LAMC2: variants seen among roughly 807,000 people sequenced by gnomAD.
LAMC2 encodes the protein laminin subunit gamma 2, also known as laminin subunit gamma-2.
In LAMC2, 97 loss-of-function variants were observed where a neutral mutation model predicts 140.2. The ratio of observed to expected loss-of-function variants is 0.69; its 90% CI spans 0.59 to 0.82. The LOEUF (loss-of-function observed/expected upper bound fraction) is 0.82. Ranked by LOEUF, LAMC2 falls within the 40% of genes least tolerant of loss-of-function variation. The probability of loss-of-function intolerance (pLI) is 0.00; values close to 1 mark genes in which losing one functional copy is unlikely to be tolerated. For missense variants in LAMC2, 1,402 were observed against 1,476.1 expected, an observed-to-expected ratio of 0.95 and a Z score of 0.82; for synonymous variants, 513 against 540.2, an observed-to-expected ratio of 0.95 and a Z score of 0.70.
At chr1:183,232,414 A>G in intron 13 of LAMC2, 71 bp downstream of exon 13, 5 of 1,543,458 alleles carry the variant, frequency 3.2e-6, no homozygotes, top group Non-Finnish European at 4.5e-6. Context: ...ACGTTAGGTC[A>G]TAGAATCTTC....
intron 1 of LAMC2, among the ~76,000 whole-genome samples, chr1:183,195,062 T>TA (rs1343891593): frequency 2.0e-5 from 3 of 152,178 alleles, no homozygotes; most frequent in South Asian, 2.1e-4. Flanking sequence ...CCTGTGAGCT[T>TA]ACTCAGACTG....
intron 6 of LAMC2, 122 bp downstream of exon 6, chr1:183,222,333 G>C: frequency 2.0e-6 from 2 of 1,024,556 alleles, no homozygotes; most frequent in Middle Eastern, 2.5e-4. Context: ...CAGCATCTCC[G>C]GGTAGTGCAA....
chr1:183,203,632 C>G (rs1446614046), intron 1 of LAMC2, among the ~76,000 whole-genome samples: 1 of 151,632 alleles, frequency 6.6e-6, no homozygotes, highest in Non-Finnish European at 1.5e-5. Context: ...ACAAGCTCTC[C>G]CATCATTTTC....
chr1:183,200,128 G>A (rs1489096458), intron 1 of LAMC2, among the ~76,000 whole-genome samples: 1 of 151,948 alleles, frequency 6.6e-6, no homozygotes, highest in Non-Finnish European at 1.5e-5. Context: ...CGGTGGCTCA[G>A]GCCTGTAATC....
rs182106982 is a variant in LAMC2 at position 183,200,858 on chromosome 1, G to A, written c.80-7023G>A. 6.6e-5 allele frequency among the ~76,000 whole-genome samples: 10 copies of A among 152,258 alleles called. No individual in the cohort carries two copies. The East Asian group carries it at 1.9e-3, about 29-fold the overall frequency. On this transcript the variant is annotated intron_variant, in intron 1 of 22. Coordinates refer to ENST00000264144, the MANE Select transcript of LAMC2 (RefSeq NM_005562.3). ...GTCTTTCCTAAGAAGCACCTTGAGG[G>A]TCAGCAACTGTGTGCTATTATAGTT...
chr1:183,208,933 C>G (rs921437869), intron 2 of LAMC2, among the ~76,000 whole-genome samples: 22 of 151,374 alleles, frequency 1.5e-4, no homozygotes, highest in African/African-American at 4.4e-4. Context: ...CTTGCCTCAG[C>G]CTCCCAAAGT....
chr1:183,205,795 G>T (rs1658866607), intron 1 of LAMC2, among the ~76,000 whole-genome samples: 1 of 141,062 alleles, frequency 7.1e-6, no homozygotes. Flanking sequence ...AATAAAAAGA[G>T]AGTAGGGGTG....
At chr1:183,251,979 C>G in the LAMC2 span, 1 of 154,954 alleles carries the variant, frequency 6.5e-6, no homozygotes, top group Non-Finnish European at 1.4e-5. Context: ...GTGGAGGTTG[C>G]TTGGCCTTCT....
intron 1 of LAMC2, among the ~76,000 whole-genome samples, chr1:183,198,999 T>C (rs1029489925): frequency 6.6e-6 from 1 of 151,976 alleles, no homozygotes; most frequent in African/African-American, 2.4e-5. Flanking sequence ...GTCATATATG[T>C]AGACAATGGA....
At chr1:183,194,250 GAA>G (rs112301239) in intron 1 of LAMC2, among the ~76,000 whole-genome samples, 16,358 of 132,634 alleles carry the variant, frequency 0.12, 1,546 homozygotes, top group African/African-American at 0.27. Flanking sequence ...TCTTTTTTCT[GAA>G]AAAAAAAAAA....
In LAMC2 at chr1:183,238,308, A is replaced by T; in HGVS notation, c.2756A>T (p.Lys919Ile). 1 of 1,613,098 alleles carries T rather than the reference A, an allele frequency of 6.2e-7. No individual in the cohort carries two copies. The highest frequency in any genetic ancestry group is 8.5e-7 in the Non-Finnish European group (1 of 1,179,106). ...LLQNGKSGRE[K>I]SDQLLSRANL... is the part of the protein sequence containing the mutation. The stretch of plus-strand genomic sequence containing the variant: ...CTTGTTCTATCTGCCTTTTTACAGA[A>T]ATCAGATCAGCTGCTTTCCCGTGCC... The change falls in exon 19 of 23, where the codon AAA (lysine) becomes ATA (isoleucine). Residue 919 changes from lysine to isoleucine, a missense_variant and splice_region_variant. Physicochemically the swap from Lys to Ile is moderately radical, Grantham distance 102. Transcript: ENST00000264144.
Position 183,232,489 on chromosome 1 carries a change from C to T in LAMC2, c.2014+146C>T, listed in dbSNP as rs568492506. 57 of 1,114,410 alleles carry T rather than the reference C, an allele frequency of 5.1e-5. No homozygotes were observed. The East Asian group carries it at 1.2e-3, about 23-fold the overall frequency. The allele number at this position is 1,114,410 out of a possible 1,614,324, so 69.0% of individuals were successfully genotyped here. A position where few individuals can be genotyped will look rare whatever the true frequency, so the allele number is the denominator to read the frequency against. The stretch of plus-strand genomic sequence containing the variant: ...GCAGAAGTGGAAGGACTGTCTGTGG[C>T]ATTCCCCCTGGGATCTGAATGATGG... On this transcript the variant is annotated intron_variant, in intron 13 of 22. Coordinates refer to ENST00000264144, the MANE Select transcript of LAMC2 (RefSeq NM_005562.3).
At chr1:183,213,146 G>T (rs765500128) in intron 2 of LAMC2, among the ~76,000 whole-genome samples, 1 of 152,236 alleles carries the variant, frequency 6.6e-6, no homozygotes, top group Non-Finnish European at 1.5e-5. Flanking sequence ...CTGTTATTCT[G>T]CTGTGAACTT....
chr1:183,230,898 T>C, intron 11 of LAMC2, 63 bp from the exon 12 acceptor site: 1 of 1,592,002 alleles, frequency 6.3e-7, no homozygotes, highest in Non-Finnish European at 8.6e-7. Context: ...CCTTGTATCT[T>C]TGCTCTACCT....
intron 1 of LAMC2, 26 bp downstream of exon 1, chr1:183,186,457 T>A (rs776917034): frequency 6.2e-7 from 1 of 1,600,064 alleles, no homozygotes; most frequent in South Asian, 1.1e-5. Context: ...CAAGGAAACA[T>A]CTCAGCCCTG....
chr1:183,216,366 C>T (rs1659256795), intron 3 of LAMC2, among the ~76,000 whole-genome samples: 1 of 152,180 alleles, frequency 6.6e-6, no homozygotes, highest in Admixed American at 6.5e-5. Flanking sequence ...CTTTGTAACC[C>T]TTTTAAAACA....
chr1:183,212,111 C>T (rs565154286), intron 2 of LAMC2, among the ~76,000 whole-genome samples: 1 of 152,112 alleles, frequency 6.6e-6, no homozygotes, highest in African/African-American at 2.4e-5. Context: ...CTTCTTCCCC[C>T]ACTTTATTAA....
At chr1:183,214,037 CA>C (rs72025893) in intron 2 of LAMC2, among the ~76,000 whole-genome samples, 397 of 117,352 alleles carry the variant, frequency 3.4e-3, no homozygotes, top group Middle Eastern at 8.1e-3. Context: ...AACTTCGTCT[CA>C]AAAAAAAAAA....
rs199968067 is a variant in LAMC2 at position 183,232,742 on chromosome 1, T to G, written c.2105T>G (p.Val702Gly). 4.2e-5 allele frequency: 67 copies of G among 1,613,822 alleles called. No homozygotes were observed. Among genetic ancestry groups the G allele is most frequent in the Non-Finnish European group, 5.5e-5 (65 of 1,179,962 alleles). ...CGCCTGGATGACCTCAAGATGACTG[T>G]GGAAAGAGTTCGGGCTCTGGGAAGT... ...QSRLDDLKMT[V>G]ERVRALGSQY... Residue 702 changes from valine (V) to glycine (G), a missense_variant, in exon 14 of 23, where the codon GTG becomes GGG. Val to Gly is a moderately radical substitution (Grantham distance 109, BLOSUM62 -3). Around this residue, in one of 3 missense-constraint regions of LAMC2, gnomAD observed 670 missense variants for 667.2 expected, o/e 1.00. Coordinates refer to ENST00000264144, the MANE Select transcript of LAMC2 (RefSeq NM_005562.3).
Sources: gnomAD v4.1 joint callset for allele counts (sites outside exome capture counted in the v4.1 genomes callset) on GRCh38, gnomAD v4.1.1 for gene constraint, gnomAD v4.1.1 regional missense constraint, MANE v1.5 for transcripts, NCBI Gene and HGNC (gene_info 2026-07-23, HGNC 2026-07-21) for gene names.